IZUMO1: variants seen among roughly 807,000 people sequenced by gnomAD.
IZUMO1 encodes the protein izumo sperm-egg fusion protein 1.
IZUMO1 carries 44 observed loss-of-function variants against 40.7 expected under a neutral mutation model. That is an observed-to-expected ratio of 1.08 (90% CI 0.85 to 1.39). The LOEUF (loss-of-function observed/expected upper bound fraction) is 1.39. Among genes scored for constraint, IZUMO1 ranks in the 40% most tolerant of loss-of-function variants. The pLI, the probability that IZUMO1 is intolerant of heterozygous loss-of-function variation, is 0.00. For missense variants in IZUMO1, 368 were observed against 436.9 expected (o/e 0.84, Z 1.41); for synonymous variants, 149 against 170.9 (o/e 0.87, Z 1.00).
chr19:48,744,133 C>T, intron 5 of IZUMO1, 42 bp downstream of exon 5: 1 of 1,595,536 alleles, frequency 6.3e-7, no homozygotes, highest in Non-Finnish European at 8.6e-7. Flanking sequence ...GTTGACTATT[C>T]AGAGGGCAGG....
chr19:48,743,255 T>C, intron 6 of IZUMO1, 190 bp downstream of exon 6: 2 of 596,940 alleles, frequency 3.4e-6, no homozygotes, highest in Non-Finnish European at 6.0e-6. Flanking sequence ...CTCAAACTCC[T>C]GGCTTCCCAA....
At position 48,745,765 on chromosome 19, in the gene IZUMO1, G is replaced by T. The variant is rs1306028494; in HGVS notation, c.95C>A (p.Ala32Glu). The change falls in exon 2 of 10, where the codon GCG (alanine) becomes GAG (glutamate). Residue 32 changes from alanine to glutamate, a missense_variant. Ala to Glu is a moderately radical substitution (Grantham distance 107). Coordinates refer to ENST00000332955, the MANE Select transcript of IZUMO1 (RefSeq NM_182575.3). ...CVICDPSVVL[A>E]LKSLEKDYLP... ...GTAATCTTTCTCCAGGGACTTTAGC[G>T]CCAGCACGACAGACGGGTCACATAT... 21 of 1,614,178 alleles carry T rather than the reference G, an allele frequency of 1.3e-5. No homozygotes were observed.
At chr19:48,744,261 C>T (rs1342925522) in intron 4 of IZUMO1, 66 bp from the exon 5 acceptor site, 47 of 1,522,286 alleles carry the variant, frequency 3.1e-5, no homozygotes, top group Admixed American at 5.0e-5. Flanking sequence ...AAATGAAAGA[C>T]GATGGAAGAG....
At chr19:48,743,410 G>T (rs1420905484) in intron 6 of IZUMO1, 35 bp downstream of exon 6, 5 of 1,610,146 alleles carry the variant, frequency 3.1e-6, no homozygotes, top group Non-Finnish European at 4.2e-6. Flanking sequence ...CACCCCACCT[G>T]CACCAATTCC....
Position 48,741,650 on chromosome 19 carries a change from G to A in IZUMO1, c.754+139C>T. The A allele has an allele frequency of 7.8e-7, 1 of 1,289,242 alleles. No homozygotes were observed. Among genetic ancestry groups the A allele is most frequent in the Non-Finnish European group, 1.0e-6 (1 of 952,674 alleles). The allele number at this position is 1,289,242 out of a possible 1,614,324, so 79.9% of individuals were successfully genotyped here. ...CCTCGGGGCCAGAGGCCACGCCCCCGGCAGGAAGCCACACCCCGTGCCCCG... is the reference window on the plus strand; with the variant it reads ...CCTCGGGGCCAGAGGCCACGCCCCCAGCAGGAAGCCACACCCCGTGCCCCG... On this transcript the variant is annotated intron_variant, in intron 8 of 9. Coordinates refer to ENST00000332955, the MANE Select transcript of IZUMO1 (RefSeq NM_182575.3). This position sits in a 1 kb window ranked among gnomAD's most constrained non-coding sequence, Gnocchi z 4.4.
At chr19:48,744,291 G>A in intron 4 of IZUMO1, 96 bp from the exon 5 acceptor site, 1 of 1,371,248 alleles carries the variant, frequency 7.3e-7, no homozygotes, top group South Asian at 1.2e-5. Flanking sequence ...GGAAGAGCTG[G>A]GCTTTGGGCT....
In IZUMO1 at chr19:48,745,483, A is replaced by G. The variant is rs1485248586; in HGVS notation, c.235+142T>C. On this transcript the variant is annotated intron_variant, in intron 2 of 9. Coordinates refer to ENST00000332955, the MANE Select transcript of IZUMO1 (RefSeq NM_182575.3). ...GAGGATAGGGAAAACGGTATTTACT[A>G]GCCTCGGGGAACCTCGGAATCTGCA... 6 of 1,107,404 alleles carry G rather than the reference A, an allele frequency of 5.4e-6. 1 individual carries two copies. The highest frequency in any genetic ancestry group is 2.6e-6 in the Non-Finnish European group (2 of 760,826). The allele number at this position is 1,107,404 out of a possible 1,614,324, so 68.6% of individuals were successfully genotyped here.
intron 3 of IZUMO1, among the ~76,000 whole-genome samples, chr19:48,744,784 T>A (rs1349046781): frequency 6.6e-6 from 1 of 152,016 alleles, no homozygotes; most frequent in Non-Finnish European, 1.5e-5. Context: ...ACTCCTGGAC[T>A]CAAGCAATCC....
chr19:48,746,810 G>C lies in IZUMO1; in HGVS notation c.-449C>G. ...TGCGTGAAATCGAGAGCTTTTCGAC[G>C]GGGTCTGAGTCACGGACGATCCCCT... On this transcript the variant is annotated 5_prime_UTR_variant, in exon 1 of 10. Coordinates refer to ENST00000332955, the MANE Select transcript of IZUMO1 (RefSeq NM_182575.3). 1 of 985,344 alleles carries C rather than the reference G, an allele frequency of 1.0e-6. No homozygotes were observed. The highest frequency in any genetic ancestry group is 1.2e-6 in the Non-Finnish European group (1 of 829,908). 61.0% of individuals were successfully genotyped at this position (985,344 alleles called of 1,614,324 possible).
rs757215479 is a variant in IZUMO1, at chr19:48,741,843, C to G, written c.700G>C (p.Glu234Gln). The change falls in exon 8 of 10, where the codon GAG (glutamate) becomes CAG (glutamine). Residue 234 changes from glutamate (E) to glutamine (Q), a missense_variant. Coordinates refer to ENST00000332955, the MANE Select transcript of IZUMO1 (RefSeq NM_182575.3). The surrounding 1 kb of genome is among the most constrained non-coding windows in gnomAD (Gnocchi z 4.4). ...GGGCTGGAATTCACAGAGCCCAGCT[C>G]GCAGCGGTAGCTGCCTGCATCCTCT... Reference protein sequence around the residue: ...GPEDAGSYRCELGSVNSSPAT... With the variant: ...GPEDAGSYRCQLGSVNSSPAT... 2.5e-6 allele frequency: 4 copies of G among 1,610,436 alleles called. No individual in the cohort carries two copies. Among genetic ancestry groups the G allele is most frequent in the East Asian group, 4.5e-5 (2 of 44,744 alleles).
rs1433494433 is a variant in IZUMO1 at position 48,746,661 on chromosome 19, T to A, written c.-300A>T. ...CGATTTGTGGCCTCTAACACTAGGG[T>A]TCATTGAGGAGCCCGGTCCAGGTTC... On this transcript the variant is annotated 5_prime_UTR_variant, in exon 1 of 10. Coordinates refer to ENST00000332955, the MANE Select transcript of IZUMO1 (RefSeq NM_182575.3). 1.0e-6 allele frequency: 1 copy of A among 984,980 alleles called. No homozygotes were observed. The highest frequency in any genetic ancestry group is 6.2e-5 in the Admixed American group (1 of 16,196). The allele number at this position is 984,980 out of a possible 1,614,324, so 61.0% of individuals were successfully genotyped here.
rs1018133787 is a variant in IZUMO1, at chr19:48,744,753, C to T, written c.311-214G>A. ...CCCAGGCTGGAGTGTGTGGTGTAAT[C>T]GTGGCTCACTGAAGCCTCAAACTCC... On this transcript the variant is annotated intron_variant, in intron 3 of 9. Transcript: ENST00000332955. Among the ~76,000 whole-genome samples the T allele has an allele frequency of 1.3e-5, 2 of 151,906 alleles. 1 individual carries two copies. Among genetic ancestry groups the T allele is most frequent in the Non-Finnish European group, 2.9e-5 (2 of 68,000 alleles).
At chr19:48,746,398 A>G (rs927340964) in intron 1 of IZUMO1, 37 bp downstream of exon 1, 3 of 992,422 alleles carry the variant, frequency 3.0e-6, no homozygotes, top group Non-Finnish European at 2.4e-6. Flanking sequence ...CCACGATATT[A>G]TCAAACTCGG....
chr19:48,742,056 T>C (rs1281041554), intron 7 of IZUMO1, 114 bp from the exon 8 acceptor site: 8 of 1,527,358 alleles, frequency 5.2e-6, no homozygotes, highest in Non-Finnish European at 6.2e-6. Context: ...AGGGTGTCAC[T>C]GGTCAGGGCA....
chr19:48,745,790 T>C lies in IZUMO1; in HGVS notation c.70A>G (p.Ile24Val), dbSNP rs373691999. 24 of 1,613,970 alleles carry C rather than the reference T, an allele frequency of 1.5e-5. No homozygotes were observed. Among genetic ancestry groups the C allele is most frequent in the Non-Finnish European group, 2.0e-5 (24 of 1,180,040 alleles). ...GCLLPAEGCVICDPSVVLALK... is the reference protein window; with the variant it reads ...GCLLPAEGCVVCDPSVVLALK... The stretch of plus-strand genomic sequence containing the variant: ...GCCAGCACGACAGACGGGTCACATA[T>C]AACACACCCCTCGGCAGGAAGCAAG... Residue 24 changes from isoleucine to valine, a missense_variant, in exon 2 of 10, where the codon ATA becomes GTA. Coordinates refer to ENST00000332955, the MANE Select transcript of IZUMO1 (RefSeq NM_182575.3).
chr19:48,746,219 T>C, intron 1 of IZUMO1: 1 of 1,071,268 alleles, frequency 9.3e-7, no homozygotes, highest in Non-Finnish European at 1.1e-6. Flanking sequence ...ATGCGCCCCT[T>C]CCCAAAATCC....
At chr19:48,745,100 C>T (rs1049137982) in intron 3 of IZUMO1, 114 bp downstream of exon 3, 17 of 824,048 alleles carry the variant, frequency 2.1e-5, no homozygotes, top group Non-Finnish European at 2.7e-5. Context: ...GCAGAGCAGG[C>T]ATTGGAATCT....
intron 3 of IZUMO1, among the ~76,000 whole-genome samples, 190 bp downstream of exon 3, chr19:48,745,024 G>A (rs546580960): frequency 6.2e-4 from 95 of 152,218 alleles, no homozygotes; most frequent in Non-Finnish European, 1.0e-3. Flanking sequence ...CTGAACAACT[G>A]AGGAAGCATT....
At position 48,741,753 on chromosome 19, in the gene IZUMO1, T is replaced by C; in HGVS notation, c.754+36A>G. 2 of 1,523,428 alleles carry C rather than the reference T, an allele frequency of 1.3e-6. No individual in the cohort carries two copies. The highest frequency in any genetic ancestry group is 2.3e-5 in the East Asian group (1 of 43,624). 94.4% of individuals were successfully genotyped at this position (1,523,428 alleles called of 1,614,324 possible). ...CGCGGACCCCAGCTTTCCTGGGCCCTGAATCCTACACTTCTCTCAGCCCCA... is the reference window on the plus strand; with the variant it reads ...CGCGGACCCCAGCTTTCCTGGGCCCCGAATCCTACACTTCTCTCAGCCCCA... On this transcript the variant is annotated intron_variant, in intron 8 of 9. Coordinates refer to ENST00000332955, the MANE Select transcript of IZUMO1 (RefSeq NM_182575.3). This position sits in a 1 kb window ranked among gnomAD's most constrained non-coding sequence, Gnocchi z 4.4.
Sources: allele counts gnomAD v4.1 joint callset (sites outside exome capture counted in the v4.1 genomes callset), GRCh38; gene constraint gnomAD v4.1.1; non-coding constraint Gnocchi (gnomAD v3.1); transcripts MANE v1.5; gene names NCBI Gene and HGNC (gene_info 2026-07-23, HGNC 2026-07-21).